ALOX5: variants seen among roughly 807,000 people sequenced by gnomAD.
ALOX5 encodes the protein polyunsaturated fatty acid 5-lipoxygenase.
Under a neutral mutation model 87.9 loss-of-function variants are expected in ALOX5, and 64 were observed. The observed-to-expected ratio is 0.73, with a 90% CI of 0.60 to 0.90. ALOX5 has a LOEUF of 0.90. ALOX5 is among the 40% of genes least tolerant of loss of function. ALOX5 has a pLI of 0.00. For synonymous variants in ALOX5, 388 were observed against 355.1 expected (o/e 1.09, Z -1.04); for missense variants, 822 against 907.5 (o/e 0.91, Z 1.21).
At chr10:45,390,181 A>T (rs1169108384) in intron 2 of ALOX5, among the ~76,000 whole-genome samples, 1 of 152,258 alleles carries the variant, frequency 6.6e-6, no homozygotes, top group African/African-American at 2.4e-5. Flanking sequence ...GAGCACCCAG[A>T]TTTATAAAGC....
chr10:45,391,141 G>A (rs892593842), intron 2 of ALOX5, among the ~76,000 whole-genome samples: 14 of 143,270 alleles, frequency 9.8e-5, no homozygotes, highest in Non-Finnish European at 9.0e-5. Context: ...CTCTGATGCC[G>A]AGCCAAAGCT....
At position 45,410,410 on chromosome 10, in the gene ALOX5, C is replaced by T. The variant is rs368216984; in HGVS notation, c.432-1781C>T. ...GGAAGGTTTTCTTAAAATCTGAGGA[C>T]GTAGAATATTCTAAATAAACCAACA... On this transcript the variant is annotated intron_variant, in intron 3 of 13. Coordinates refer to ENST00000374391, the MANE Select transcript of ALOX5 (RefSeq NM_000698.5). 6.5e-4 allele frequency among the ~76,000 whole-genome samples: 99 copies of T among 152,212 alleles called. 2 individuals are homozygous for T. The highest frequency in any genetic ancestry group is 1.3e-3 in the Non-Finnish European group (89 of 68,022).
At chr10:45,440,094 C>T (rs797002445) in intron 7 of ALOX5, among the ~76,000 whole-genome samples, 29 of 152,272 alleles carry the variant, frequency 1.9e-4, no homozygotes, top group African/African-American at 6.3e-4. Context: ...AGCGATCCTC[C>T]CCCTCCGCTG....
intron 9 of ALOX5, 71 bp downstream of exon 9, chr10:45,441,501 T>C: frequency 1.4e-6 from 2 of 1,464,938 alleles, no homozygotes; most frequent in Non-Finnish European, 1.9e-6. Context: ...CTATCTGAGA[T>C]CTAGACACCC....
chr10:45,418,113 C>T (rs1330159715), intron 4 of ALOX5, among the ~76,000 whole-genome samples: 2 of 152,218 alleles, frequency 1.3e-5, no homozygotes, highest in Non-Finnish European at 2.9e-5. Flanking sequence ...AGCTTAGCCC[C>T]ACTCTGAGCA....
intron 13 of ALOX5, 120 bp downstream of exon 13, chr10:45,444,406 A>C (rs1271871389): frequency 2.2e-6 from 3 of 1,340,812 alleles, no homozygotes; most frequent in East Asian, 2.6e-5. Context: ...CCTGACTTCC[A>C]AGGCTGGAAG....
intron 2 of ALOX5, among the ~76,000 whole-genome samples, chr10:45,391,814 C>T (rs1308495969): frequency 1.3e-5 from 2 of 151,710 alleles, no homozygotes; most frequent in Non-Finnish European, 2.9e-5. Flanking sequence ...AGACCCTCCG[C>T]CCGGCAGCCG....
intron 2 of ALOX5, among the ~76,000 whole-genome samples, chr10:45,391,257 T>A (rs188819476): frequency 6.6e-6 from 1 of 152,132 alleles, no homozygotes; most frequent in African/African-American, 2.4e-5. Context: ...CACGCCTGAC[T>A]GTTTTTCATA....
chr10:45,400,472 G>T (rs370463226), intron 3 of ALOX5, among the ~76,000 whole-genome samples: 5 of 152,058 alleles, frequency 3.3e-5, no homozygotes, highest in African/African-American at 1.2e-4. Flanking sequence ...GTTGGTGCAC[G>T]CCTGTAATCC....
intron 8 of ALOX5, 49 bp downstream of exon 8, chr10:45,440,682 G>T: frequency 6.3e-7 from 1 of 1,581,480 alleles, no homozygotes; most frequent in South Asian, 1.1e-5. Context: ...TCTGAGATGT[G>T]GAGTGGGAGG....
At chr10:45,410,524 T>C (rs1187204603) in intron 3 of ALOX5, among the ~76,000 whole-genome samples, 1 of 152,238 alleles carries the variant, frequency 6.6e-6, no homozygotes, top group Non-Finnish European at 1.5e-5. Flanking sequence ...TGTTCACTTC[T>C]TGTGATCCTA....
chr10:45,424,792 C>T (rs1192578992), intron 5 of ALOX5, among the ~76,000 whole-genome samples, 168 bp from the exon 6 acceptor site: 2 of 152,210 alleles, frequency 1.3e-5, no homozygotes, highest in African/African-American at 2.4e-5. Context: ...GGTGCCACAG[C>T]CTGACCCAGT....
At chr10:45,415,582 A>T (rs1422591709) in intron 4 of ALOX5, among the ~76,000 whole-genome samples, 1 of 48,324 alleles carries the variant, frequency 2.1e-5, no homozygotes, top group Non-Finnish European at 3.4e-5. Flanking sequence ...GTATAATAAT[A>T]AAAAAAAAGA....
At chr10:45,383,765 C>T (rs1160499203) in intron 2 of ALOX5, among the ~76,000 whole-genome samples, 1 of 152,164 alleles carries the variant, frequency 6.6e-6, no homozygotes, top group African/African-American at 2.4e-5. Context: ...AACCAAATTT[C>T]CAGAATATTT....
At chr10:45,389,691 A>G (rs1220671909) in intron 2 of ALOX5, among the ~76,000 whole-genome samples, 1 of 152,130 alleles carries the variant, frequency 6.6e-6, no homozygotes, top group Non-Finnish European at 1.5e-5. Flanking sequence ...CTCCTGAAGG[A>G]AGCACTAAAC....
Position 45,424,986 on chromosome 10 carries a change from G to T in ALOX5, c.688G>T (p.Asp230Tyr). Residue 230 changes from aspartate (D) to tyrosine (Y), a missense_variant, in exon 6 of 14, where the codon GAC (aspartate) becomes TAC (tyrosine). Transcript: ENST00000374391. ...GCGGGTCATGAATCACTGGCAGGAA[G>T]ACCTGATGTTTGGCTACCAGTTCCT... ...SERVMNHWQE[D>Y]LMFGYQFLNG... 1 of 1,614,224 alleles carries T rather than the reference G, an allele frequency of 6.2e-7. No homozygotes were observed. The highest frequency in any genetic ancestry group is 1.3e-5 in the African/African-American group (1 of 75,064).
At chr10:45,410,780 A>G (rs560384719) in intron 3 of ALOX5, among the ~76,000 whole-genome samples, 45 of 152,360 alleles carry the variant, frequency 3.0e-4, no homozygotes, top group African/African-American at 1.0e-3. Flanking sequence ...CAAAGAAACT[A>G]ACAGGATTTC....
chr10:45,374,947 A>T (rs1839544296), intron 1 of ALOX5, among the ~76,000 whole-genome samples: 1 of 152,076 alleles, frequency 6.6e-6, no homozygotes, highest in Non-Finnish European at 1.5e-5. Context: ...CAGAGGCCTG[A>T]GTTCTGTCCA....
intron 1 of ALOX5, among the ~76,000 whole-genome samples, chr10:45,381,178 C>A (rs1474611016): frequency 6.6e-6 from 1 of 152,238 alleles, no homozygotes; most frequent in African/African-American, 2.4e-5. Context: ...GAGGCCTGGG[C>A]AGCTGCGCTG....
Sources: allele counts gnomAD v4.1 joint callset (sites outside exome capture counted in the v4.1 genomes callset), GRCh38; gene constraint gnomAD v4.1.1; transcripts MANE v1.5; gene names NCBI Gene and HGNC (gene_info 2026-07-23, HGNC 2026-07-21).